UGP2: variants seen among roughly 807,000 people sequenced by gnomAD.
The protein encoded by UGP2 is UTP--glucose-1-phosphate uridylyltransferase.
Under a neutral mutation model 49.0 loss-of-function variants are expected in UGP2, and 40 were observed. The ratio of observed to expected loss-of-function variants is 0.82; its 90% CI spans 0.63 to 1.06. The LOEUF (loss-of-function observed/expected upper bound fraction) is 1.06. Among genes scored for constraint, UGP2 ranks in the 50% least tolerant of loss-of-function variants. The probability of loss-of-function intolerance (pLI) is 0.00; values close to 1 mark genes in which losing one functional copy is unlikely to be tolerated. For synonymous variants in UGP2, 225 were observed against 213.0 expected (o/e 1.06, Z -0.49); for missense variants, 460 against 603.5 (o/e 0.76, Z 2.49).
In UGP2 at chr2:63,887,409, A is replaced by G. The variant is rs1671762159; in HGVS notation, c.1079A>G (p.Asp360Gly). The change falls in exon 8 of 10, where the codon GAT becomes GGT. Residue 360 changes from aspartate to glycine, a missense_variant. Physicochemically the swap from Asp to Gly is moderately conservative, Grantham distance 94 (BLOSUM62 -1). Transcript: ENST00000337130. The part of the protein sequence containing the change: ...MEIIVNAKTL[D>G]GGLNVIQLET... ...ACCCCTAATTTCTTACAGACTTTGG[A>G]TGGAGGCCTGAATGTCATTCAATTA... 6.2e-7 allele frequency: 1 copy of G among 1,613,744 alleles called. No homozygotes were observed. Among genetic ancestry groups the G allele is most frequent in the Non-Finnish European group, 8.5e-7 (1 of 1,179,944 alleles).
chr2:63,876,310 G>C (rs1575840228), intron 3 of UGP2, among the ~76,000 whole-genome samples: 1 of 152,092 alleles, frequency 6.6e-6, no homozygotes, highest in African/African-American at 2.4e-5. Flanking sequence ...GACAGAAAGT[G>C]TCCTGGCTTC....
chr2:63,849,368 C>T (rs1464597038), intron 1 of UGP2, among the ~76,000 whole-genome samples: 1 of 152,154 alleles, frequency 6.6e-6, no homozygotes, highest in Admixed American at 6.5e-5. Flanking sequence ...TGTAATATTT[C>T]ATTTGTGTTA....
chr2:63,842,324 C>G (rs1214118443), intron 1 of UGP2, 120 bp downstream of exon 1: 48 of 1,606,046 alleles, frequency 3.0e-5, no homozygotes, highest in Non-Finnish European at 3.8e-5. Flanking sequence ...TTTGCGAAAC[C>G]CTTTTCGTTG....
chr2:63,857,881 A>C lies in UGP2; in HGVS notation c.200A>C (p.Gln67Pro). 1 of 1,614,110 alleles carries C rather than the reference A, an allele frequency of 6.2e-7. No individual in the cohort carries two copies. The highest frequency in any genetic ancestry group is 8.5e-7 in the Non-Finnish European group (1 of 1,179,976). The change falls in exon 3 of 10, where the codon CAA becomes CCA. Residue 67 changes from glutamine (Q) to proline (P), a missense_variant. By Grantham distance (76) the Gln-to-Pro change is moderately conservative. This residue lies in a region of UGP2 where 143 missense variants were observed against 130.4 expected (regional missense o/e 1.10). Transcript: ENST00000337130. ...CGGAAGCTATTTCATAGATTTTTGC[A>C]AGAAAAGGGGCCTTCTGTGGATTGG... is the stretch of plus-strand genomic sequence containing the variant. Reference protein sequence around the residue: ...GFRKLFHRFLQEKGPSVDWGK... With the variant: ...GFRKLFHRFLPEKGPSVDWGK...
intron 8 of UGP2, 22 bp downstream of exon 8, chr2:63,887,666 T>A (rs1206842273): frequency 6.2e-7 from 1 of 1,609,480 alleles, no homozygotes; most frequent in African/African-American, 1.3e-5. Context: ...TAAAGATATG[T>A]GAGTTCATAT....
chr2:63,846,007 C>T (rs576916299), intron 1 of UGP2: 12 of 152,312 alleles, frequency 7.9e-5, no homozygotes, highest in African/African-American at 2.9e-4. Flanking sequence ...AGTCTCTGTC[C>T]CTCAGGCACT....
chr2:63,867,311 G>A (rs555074758), intron 3 of UGP2, among the ~76,000 whole-genome samples: 3 of 152,130 alleles, frequency 2.0e-5, no homozygotes, highest in Non-Finnish European at 4.4e-5. Flanking sequence ...TAAGAGATTT[G>A]TCCTAGCCTC....
At chr2:63,879,072 A>G (rs1671121157) in intron 3 of UGP2, among the ~76,000 whole-genome samples, 1 of 152,094 alleles carries the variant, frequency 6.6e-6, no homozygotes, top group Non-Finnish European at 1.5e-5. Flanking sequence ...CAAATTAAAT[A>G]GCTCAAAATT....
intron 3 of UGP2, among the ~76,000 whole-genome samples, chr2:63,880,580 C>G (rs1464278049): frequency 6.6e-6 from 1 of 152,146 alleles, no homozygotes; most frequent in Non-Finnish European, 1.5e-5. Context: ...AGCAGTGTGA[C>G]ATAAATTGGA....
At chr2:63,845,607 G>A (rs1234089403) in intron 1 of UGP2, among the ~76,000 whole-genome samples, 1 of 151,480 alleles carries the variant, frequency 6.6e-6, no homozygotes, top group Non-Finnish European at 1.5e-5. Context: ...CTCTCAACTT[G>A]AGTACAAGTT....
intron 1 of UGP2, among the ~76,000 whole-genome samples, chr2:63,852,376 G>T (rs1477937491): frequency 6.6e-6 from 1 of 152,146 alleles, no homozygotes; most frequent in East Asian, 1.9e-4. Context: ...CAAGTGATTT[G>T]TATGTACATT....
intron 3 of UGP2, among the ~76,000 whole-genome samples, chr2:63,862,117 A>T (rs938581339): frequency 3.9e-5 from 6 of 152,100 alleles, no homozygotes; most frequent in Admixed American, 1.3e-4. Flanking sequence ...TGCTTTGAGC[A>T]TGTGAAGATT....
intron 3 of UGP2, among the ~76,000 whole-genome samples, chr2:63,871,936 C>T (rs371349190): frequency 7.9e-5 from 12 of 152,120 alleles, no homozygotes; most frequent in African/African-American, 2.9e-4. Flanking sequence ...CTGTAAGGGG[C>T]AGATAGTAAA....
At chr2:63,887,278 AATT>A (rs1177186306) in intron 7 of UGP2, 121 bp from the exon 8 acceptor site, 140 of 1,406,100 alleles carry the variant, frequency 1.0e-4, no homozygotes, top group Middle Eastern at 3.7e-4. Context: ...AAAAAAAAAA[AATT>A]TTTTTTTTTC....
At chr2:63,871,941 A>G (rs945612317) in intron 3 of UGP2, among the ~76,000 whole-genome samples, 7 of 152,244 alleles carry the variant, frequency 4.6e-5, no homozygotes, top group Non-Finnish European at 2.9e-5. Context: ...AGGGGCAGAT[A>G]GTAAATATTT....
At chr2:63,881,615 C>G (rs746186499) in intron 3 of UGP2, among the ~76,000 whole-genome samples, 2 of 152,160 alleles carry the variant, frequency 1.3e-5, no homozygotes, top group South Asian at 4.2e-4. Context: ...TTTAGACTTG[C>G]TTGTGCCTCT....
intron 5 of UGP2, among the ~76,000 whole-genome samples, chr2:63,884,353 C>T (rs1377419480): frequency 6.6e-6 from 1 of 152,174 alleles, no homozygotes; most frequent in Non-Finnish European, 1.5e-5. Context: ...TAAGCCTTTG[C>T]TTTCTGAGAG....
intron 8 of UGP2, chr2:63,889,516 T>C (rs1671930916): frequency 6.6e-6 from 1 of 152,564 alleles, no homozygotes; most frequent in Non-Finnish European, 1.5e-5. Context: ...GTAGTGGTGG[T>C]GGTGGATGGA....
upstream of UGP2, among the ~76,000 whole-genome samples, chr2:63,841,447 C>T (rs1047900723): frequency 6.6e-6 from 1 of 152,086 alleles, no homozygotes; most frequent in Non-Finnish European, 1.5e-5. Flanking sequence ...TGCCTCTAGC[C>T]GGTGACCCCT....
Sources: allele counts gnomAD v4.1 joint callset (sites outside exome capture counted in the v4.1 genomes callset), GRCh38; gene constraint gnomAD v4.1.1; regional missense constraint gnomAD v4.1.1; transcripts MANE v1.5; gene names NCBI Gene and HGNC (gene_info 2026-07-23, HGNC 2026-07-21).